MYO3B: variants seen among roughly 807,000 people sequenced by gnomAD.
MYO3B encodes the protein myosin IIIB.
In MYO3B, 156 loss-of-function variants were observed where a neutral mutation model predicts 174.6. That is an observed-to-expected ratio of 0.89 (90% CI 0.78 to 1.02). The LOEUF is 1.02. Ranked by LOEUF, MYO3B falls within the 50% of genes least tolerant of loss-of-function variation. The pLI is 0.00. For missense variants in MYO3B, 1,632 were observed against 1,639.4 expected (o/e 1.00, Z 0.08); for synonymous variants, 563 against 569.1 (o/e 0.99, Z 0.15).
chr2:170,227,873 C>T (rs569219347), intron 6 of MYO3B, among the ~76,000 whole-genome samples: 1 of 152,246 alleles, frequency 6.6e-6, no homozygotes, highest in Non-Finnish European at 1.5e-5. Context: ...CTAGCTGTGG[C>T]CTTGAGCGCA....
intron 25 of MYO3B, among the ~76,000 whole-genome samples, chr2:170,494,746 A>AAAAG (rs1686737950): frequency 1.4e-5 from 2 of 147,798 alleles, no homozygotes; most frequent in Non-Finnish European, 3.0e-5. Flanking sequence ...AAAAAAAAAA[A>AAAAG]AAGAAGAAGA....
intron 7 of MYO3B, among the ~76,000 whole-genome samples, chr2:170,291,976 C>T (rs1406171687): frequency 6.6e-6 from 1 of 152,094 alleles, no homozygotes; most frequent in Non-Finnish European, 1.5e-5. Context: ...ATACCTTTCT[C>T]ACATTTTGGA....
At position 170,554,690 on chromosome 2, in the gene MYO3B, G is replaced by A. The variant is rs115733821; in HGVS notation, c.3733+10702G>A. Reference sequence around the variant, plus strand: ...TGAAAAGTTCTTGCTAAACTTTTCCGGTGCTTTCCTGAGTTCGTTAGGTCA... The same window carrying A: ...TGAAAAGTTCTTGCTAAACTTTTCCAGTGCTTTCCTGAGTTCGTTAGGTCA... On this transcript the variant is annotated intron_variant, in intron 32 of 34. Transcript: ENST00000408978. 4.5e-3 allele frequency among the ~76,000 whole-genome samples: 680 copies of A among 152,212 alleles called. 4 individuals are homozygous for A. Among genetic ancestry groups the A allele is most frequent in the African/African-American group, 0.015 (635 of 41,530 alleles).
intron 6 of MYO3B, among the ~76,000 whole-genome samples, chr2:170,233,979 G>A (rs965940508): frequency 9.9e-5 from 15 of 151,714 alleles, no homozygotes; most frequent in African/African-American, 2.7e-4. Context: ...AGACCATCCC[G>A]GCTATAACGG....
intron 32 of MYO3B, among the ~76,000 whole-genome samples, chr2:170,561,250 A>G (rs1691692918): frequency 6.6e-6 from 1 of 152,158 alleles, no homozygotes; most frequent in South Asian, 2.1e-4. Flanking sequence ...CCTCTCATCT[A>G]CCACCCTGAG....
rs1553522682 is a variant in MYO3B, at chr2:170,563,145, CAT to C, written c.3733+19159_3733+19160del. Among the ~76,000 whole-genome samples the C allele has an allele frequency of 3.9e-3, 565 of 146,360 alleles. 4 individuals carry two copies. Among genetic ancestry groups the C allele is most frequent in the African/African-American group, 0.014 (537 of 38,790 alleles). ...ACACACACACACACACACACACACA[CAT>C]ACACACACACACCCCAAGAATCAAA... On this transcript the variant is annotated intron_variant, in intron 32 of 34. Transcript: ENST00000408978.
chr2:170,493,794 T>C (rs1244711103), intron 25 of MYO3B, among the ~76,000 whole-genome samples: 1 of 151,380 alleles, frequency 6.6e-6, no homozygotes, highest in Non-Finnish European at 1.5e-5. Context: ...CCATCTTCTA[T>C]ATAATGAAGG....
In MYO3B at chr2:170,214,501, A is replaced by AT; in HGVS notation, c.426+19dup. On this transcript the variant is annotated intron_variant, in intron 4 of 34. Transcript: ENST00000408978. ...CCCTCTTGGTAAGAACATCTATCAA[A>AT]TGGGGTATGACAGCAGATGGGATGG... 1 of 1,607,836 alleles carries AT rather than the reference A, an allele frequency of 6.2e-7. No homozygotes were observed. The highest frequency in any genetic ancestry group is 1.1e-5 in the South Asian group (1 of 90,932).
intron 25 of MYO3B, among the ~76,000 whole-genome samples, chr2:170,481,064 C>T (rs1185146278): frequency 6.6e-6 from 1 of 152,326 alleles, no homozygotes; most frequent in East Asian, 1.9e-4. Context: ...AGAACCCAGA[C>T]ATCTCGAGAA....
At chr2:170,570,990 GCTGAAGTAGGATTAC>G (rs1244547690) in intron 32 of MYO3B, among the ~76,000 whole-genome samples, 1 of 152,100 alleles carries the variant, frequency 6.6e-6, no homozygotes, top group African/African-American at 2.4e-5. Flanking sequence ...CATCTCTTTT[GCTGAAGTAGGATTAC>G]CTCCAAAAAA....
chr2:170,424,752 T>C (rs933117395), intron 22 of MYO3B, among the ~76,000 whole-genome samples: 2 of 152,242 alleles, frequency 1.3e-5, no homozygotes, highest in Admixed American at 6.5e-5. Flanking sequence ...TTATAGGTCC[T>C]GAATAAGACA....
intron 32 of MYO3B, among the ~76,000 whole-genome samples, chr2:170,638,664 A>G (rs1559189017): frequency 1.3e-5 from 2 of 152,144 alleles, no homozygotes; most frequent in Non-Finnish European, 2.9e-5. Context: ...ACAGATCCCC[A>G]TCAGGCATGT....
chr2:170,196,289 TG>T (rs1441923758), intron 1 of MYO3B, among the ~76,000 whole-genome samples: 1 of 152,168 alleles, frequency 6.6e-6, no homozygotes, highest in Non-Finnish European at 1.5e-5. Flanking sequence ...GGAGGATCAC[TG>T]TAGCCCAGGA....
intron 7 of MYO3B, among the ~76,000 whole-genome samples, chr2:170,261,306 T>C (rs1473915673): frequency 6.6e-6 from 1 of 152,192 alleles, no homozygotes; most frequent in Admixed American, 6.5e-5. Context: ...ATTACAGATG[T>C]GAGCTACCAC....
chr2:170,370,624 T>TACACACACACAC (rs55790344), intron 9 of MYO3B, among the ~76,000 whole-genome samples: 3 of 129,466 alleles, frequency 2.3e-5, no homozygotes, highest in South Asian at 2.8e-4. Context: ...ACCACCCACC[T>TACACACACACAC]ACACACACAC....
At chr2:170,256,690 A>G (rs2093307450) in intron 7 of MYO3B, among the ~76,000 whole-genome samples, 1 of 152,170 alleles carries the variant, frequency 6.6e-6, no homozygotes, top group Non-Finnish European at 1.5e-5. Context: ...CAAAGCAACC[A>G]TATTGGCTGG....
At chr2:170,485,416 CACACAGAGAG>C (rs1283122584) in intron 25 of MYO3B, among the ~76,000 whole-genome samples, 17 of 129,232 alleles carry the variant, frequency 1.3e-4, no homozygotes, top group African/African-American at 4.4e-4. Context: ...CACACACACA[CACACAGAGAG>C]AGAGAGAGAG....
chr2:170,459,712 C>A (rs958409853), intron 23 of MYO3B, among the ~76,000 whole-genome samples: 5 of 152,140 alleles, frequency 3.3e-5, no homozygotes, highest in Admixed American at 1.3e-4. Flanking sequence ...AAGGCTCGGG[C>A]CGCATGGGAA....
intron 7 of MYO3B, among the ~76,000 whole-genome samples, chr2:170,261,086 C>G (rs2093342088): frequency 6.6e-6 from 1 of 152,166 alleles, no homozygotes; most frequent in Non-Finnish European, 1.5e-5. Flanking sequence ...TGCAATGACA[C>G]GATCTTGGCT....
Sources: gnomAD v4.1 joint callset for allele counts (sites outside exome capture counted in the v4.1 genomes callset) on GRCh38, gnomAD v4.1.1 for gene constraint, MANE v1.5 for transcripts, NCBI Gene and HGNC (gene_info 2026-07-23, HGNC 2026-07-21) for gene names.